Variants in DOCK3 observed in about 807,000 individuals in gnomAD.
DOCK3 encodes the protein dedicator of cytokinesis protein 3.
A neutral mutation model predicts 265.6 loss-of-function variants in DOCK3; 60 were observed. The observed-to-expected ratio is 0.23, with a 90% CI of 0.18 to 0.28. The LOEUF (loss-of-function observed/expected upper bound fraction) is 0.28. DOCK3 is among the 10% of genes least tolerant of loss of function. The pLI, the probability that DOCK3 is intolerant of heterozygous loss-of-function variation, is 1.00. For missense variants in DOCK3, 1,981 were observed against 2,594.3 expected, an observed-to-expected ratio of 0.76 and a Z score of 5.14; for synonymous variants, 881 against 938.0, an observed-to-expected ratio of 0.94 and a Z score of 1.11.
intron 5 of DOCK3, among the ~76,000 whole-genome samples, chr3:50,946,361 C>T (rs1456763754): frequency 3.3e-5 from 5 of 152,120 alleles, no homozygotes; most frequent in Admixed American, 2.6e-4. Flanking sequence ...ATATTTTGTA[C>T]ATAACAAGAT....
At chr3:50,794,645 C>G (rs778974959) in intron 2 of DOCK3, among the ~76,000 whole-genome samples, 1 of 152,088 alleles carries the variant, frequency 6.6e-6, no homozygotes, top group Non-Finnish European at 1.5e-5. Context: ...ATGGATCTCT[C>G]GAAGACAGCA....
At chr3:51,045,048 A>C (rs111465315) in intron 5 of DOCK3, among the ~76,000 whole-genome samples, 2,548 of 152,084 alleles carry the variant, frequency 0.017, 50 homozygotes, top group African/African-American at 0.041. Flanking sequence ...CCCCCAACAA[A>C]CTTTTCCTTT....
At chr3:51,296,917 G>A (rs1245229680) in intron 27 of DOCK3, among the ~76,000 whole-genome samples, 2 of 151,624 alleles carry the variant, frequency 1.3e-5, no homozygotes, top group Admixed American at 6.6e-5. Context: ...TCAGGAGTTC[G>A]AGACCACCCT....
intron 1 of DOCK3, among the ~76,000 whole-genome samples, chr3:50,692,236 T>A (rs2035300339): frequency 2.0e-5 from 3 of 152,160 alleles, no homozygotes; most frequent in Admixed American, 2.0e-4. Context: ...TTTTTGTTTT[T>A]GTTTTTGTTG....
intron 34 of DOCK3, 23 bp from the exon 35 acceptor site, chr3:51,333,135 T>G (rs750783259): frequency 6.2e-7 from 1 of 1,613,952 alleles, no homozygotes; most frequent in Non-Finnish European, 8.5e-7. Context: ...TTGTGTTTGC[T>G]TTCTCCACCC....
chr3:51,326,645 G>T (rs899905988), intron 32 of DOCK3, among the ~76,000 whole-genome samples: 2 of 148,276 alleles, frequency 1.3e-5, no homozygotes, highest in Non-Finnish European at 3.0e-5. Flanking sequence ...TTTTGAGATG[G>T]AGTTTCCCTC....
intron 2 of DOCK3, among the ~76,000 whole-genome samples, chr3:50,804,267 GCA>G (rs1385271552): frequency 5.2e-4 from 79 of 152,086 alleles, no homozygotes; most frequent in Non-Finnish European, 4.3e-4. Flanking sequence ...GGGCGGCCAG[GCA>G]GAGGGGCTCC....
At chr3:51,187,683 G>A (rs1023913134) in intron 12 of DOCK3, among the ~76,000 whole-genome samples, 2 of 151,374 alleles carry the variant, frequency 1.3e-5, no homozygotes, top group South Asian at 4.2e-4. Flanking sequence ...GGTCTTTCTT[G>A]TGCTGTTCTC....
intron 4 of DOCK3, among the ~76,000 whole-genome samples, chr3:50,921,279 C>G (rs990662915): frequency 7.9e-5 from 12 of 152,156 alleles, no homozygotes; most frequent in African/African-American, 2.4e-4. Context: ...AACTTCTCTT[C>G]TGCTTCATTT....
intron 6 of DOCK3, among the ~76,000 whole-genome samples, chr3:51,071,839 AGT>A (rs2081882681): frequency 6.6e-6 from 1 of 152,172 alleles, no homozygotes; most frequent in Non-Finnish European, 1.5e-5. Context: ...TCTTTTTGAG[AGT>A]GAAGTTTGTA....
intron 23 of DOCK3, among the ~76,000 whole-genome samples, chr3:51,269,128 T>C (rs1283337954): frequency 3.4e-5 from 5 of 148,010 alleles, no homozygotes; most frequent in Non-Finnish European, 7.4e-5. Flanking sequence ...TGTCTCTCTC[T>C]CTCTCTCTCT....
At chr3:50,945,418 T>C (rs2076401262) in intron 5 of DOCK3, among the ~76,000 whole-genome samples, 1 of 152,174 alleles carries the variant, frequency 6.6e-6, no homozygotes, top group South Asian at 2.1e-4. Context: ...TTAAACACTC[T>C]ACTAGGGCAT....
intron 12 of DOCK3, among the ~76,000 whole-genome samples, chr3:51,198,266 C>T (rs2088448749): frequency 6.6e-6 from 1 of 152,246 alleles, no homozygotes; most frequent in Admixed American, 6.5e-5. Context: ...GCACCTTGCA[C>T]ACCTGCAGAA....
At chr3:50,987,379 T>C (rs2077941577) in intron 5 of DOCK3, among the ~76,000 whole-genome samples, 1 of 152,262 alleles carries the variant, frequency 6.6e-6, no homozygotes, top group African/African-American at 2.4e-5. Context: ...ATTAATCATT[T>C]GCCTGATCTT....
At chr3:50,840,947 C>T (rs1004563814) in intron 2 of DOCK3, among the ~76,000 whole-genome samples, 2 of 152,110 alleles carry the variant, frequency 1.3e-5, no homozygotes, top group Non-Finnish European at 2.9e-5. Context: ...GATAACCTCT[C>T]AATTAATTTA....
Position 51,064,506 on chromosome 3 carries a change from T to A in DOCK3, c.374T>A (p.Leu125Gln). The A allele has an allele frequency of 6.2e-7, 1 of 1,614,020 alleles. No individual in the cohort carries two copies. Among genetic ancestry groups the A allele is most frequent in the South Asian group, 1.1e-5 (1 of 91,090 alleles). ...CATGTGATGAATGAACTTATTGACC[T>A]GCGAAGGCAGCTACTGTCTGGTCAC... Reference protein sequence around the residue: ...LRHVMNELIDLRRQLLSGHLT... With the variant: ...LRHVMNELIDQRRQLLSGHLT... The change falls in exon 6 of 53, where the codon CTG (leucine) becomes CAG (glutamine). Residue 125 changes from leucine to glutamine, a missense_variant. Coordinates refer to ENST00000266037, the MANE Select transcript of DOCK3 (RefSeq NM_004947.5).
At chr3:50,938,815 ATGAT>A (rs979651815) in intron 5 of DOCK3, among the ~76,000 whole-genome samples, 1 of 151,818 alleles carries the variant, frequency 6.6e-6, no homozygotes, top group Admixed American at 6.6e-5. Flanking sequence ...TTTCAAATCA[ATGAT>A]TGCAGCTCCT....
In DOCK3 at chr3:51,295,316, A is replaced by C. The variant is rs533247600; in HGVS notation, c.2923-14916A>C. The stretch of plus-strand genomic sequence containing the variant: ...ATATCATGGTGAGAGAGAAATCAAG[A>C]AAGAGGGGGAAGGTGCCAGGCTCTG... On this transcript the variant is annotated intron_variant, in intron 27 of 52. Coordinates refer to ENST00000266037, the MANE Select transcript of DOCK3 (RefSeq NM_004947.5). 3.7e-4 allele frequency among the ~76,000 whole-genome samples: 57 copies of C among 152,364 alleles called. No homozygotes were observed. In the East Asian group the frequency reaches 5.4e-3, roughly 14 times the overall value.
chr3:50,695,925 G>A (rs1327140844), intron 1 of DOCK3, among the ~76,000 whole-genome samples: 2 of 152,202 alleles, frequency 1.3e-5, no homozygotes, highest in African/African-American at 4.8e-5. Context: ...TGGTAGAGGA[G>A]GATTTATGGA....
Sources: gnomAD v4.1 joint callset for allele counts (sites outside exome capture counted in the v4.1 genomes callset) on GRCh38, gnomAD v4.1.1 for gene constraint, MANE v1.5 for transcripts, NCBI Gene and HGNC (gene_info 2026-07-23, HGNC 2026-07-21) for gene names.